The following ERI1 variants were observed in gnomAD, a reference collection of about 807,000 sequenced individuals.
ERI1 encodes 3'-5' exoribonuclease 1.
Under a neutral mutation model 39.7 loss-of-function variants are expected in ERI1, and 39 were observed. That is an observed-to-expected ratio of 0.98 (90% CI 0.76 to 1.28). ERI1 has a LOEUF of 1.28. Ranked by LOEUF, ERI1 falls within the 50% of genes most tolerant of loss-of-function variation. ERI1 has a pLI of 0.00. For missense variants in ERI1, 581 were observed against 416.9 expected (o/e 1.39, Z -3.43); for synonymous variants, 204 against 149.6 (o/e 1.36, Z -2.65).
rs1183512985 is a variant in ERI1, at chr8:9,003,162, C to T, written c.99C>T (p.Pro33=). The change falls in exon 1 of 7, where the codon CCC becomes CCT. Residue 33 remains proline, a synonymous_variant. Coordinates refer to ENST00000250263, the MANE Select transcript of ERI1 (RefSeq NM_153332.4). The part of the protein sequence containing the change: ...RPEGGEEPPR[P]SPEETQQCKF... The stretch of plus-strand genomic sequence containing the variant: ...AGGGCGGGGAGGAGCCGCCGCGTCC[C>T]AGTCCCGAGGTGAGGAGTCGACCCG... 2 of 1,243,502 alleles carry T rather than the reference C, an allele frequency of 1.6e-6. No homozygotes were observed. The highest frequency in any genetic ancestry group is 2.0e-6 in the Non-Finnish European group (2 of 991,528). 77.0% of individuals were successfully genotyped at this position (1,243,502 alleles called of 1,614,324 possible).
At chr8:9,028,111 C>G (rs1216815280) in intron 6 of ERI1, among the ~76,000 whole-genome samples, 2 of 152,072 alleles carry the variant, frequency 1.3e-5, no homozygotes, top group Middle Eastern at 3.2e-3. Context: ...GGAAGTATTT[C>G]TTCTTCAATT....
chr8:9,026,001 C>T (rs1818436280), intron 6 of ERI1, among the ~76,000 whole-genome samples: 1 of 152,236 alleles, frequency 6.6e-6, no homozygotes, highest in Admixed American at 6.5e-5. Context: ...ACTGTCTCAG[C>T]CACTGATATG....
intron 3 of ERI1, among the ~76,000 whole-genome samples, chr8:9,044,559 T>A (rs559300796): frequency 1.3e-5 from 2 of 152,204 alleles, no homozygotes; most frequent in East Asian, 3.9e-4. Context: ...GTGGCCAAAG[T>A]ACACAGAGGA....
At chr8:9,027,136 GGTGTGTGTGTGTATGTGTGTGTGTGTGT>G (rs1797224771) in intron 6 of ERI1, among the ~76,000 whole-genome samples, 1 of 137,502 alleles carries the variant, frequency 7.3e-6, no homozygotes, top group African/African-American at 2.8e-5. Context: ...GTTATTTTCT[GGTGTGTGTGTGTATGTGTGTGTGTGTGT>G]GTGTGTGTGT....
chr8:9,025,451 G>A (rs531008796), intron 6 of ERI1, among the ~76,000 whole-genome samples: 1 of 152,342 alleles, frequency 6.6e-6, no homozygotes, highest in Admixed American at 6.5e-5. Flanking sequence ...AGGAGGCTGC[G>A]TTTTGCAGCG....
intron 3 of ERI1, chr8:9,062,710 G>A (rs1325116379): frequency 1.3e-5 from 2 of 151,480 alleles, no homozygotes; most frequent in Admixed American, 6.6e-5. Flanking sequence ...CAGCCGCTAA[G>A]CTGAGAAGAT....
intron 3 of ERI1, among the ~76,000 whole-genome samples, chr8:9,083,592 A>G (rs769170478): frequency 3.3e-5 from 5 of 151,746 alleles, no homozygotes; most frequent in Non-Finnish European, 5.9e-5. Flanking sequence ...TTGGCAGCAC[A>G]TATACTAAAA....
chr8:9,045,178 G>C (rs1798137438), intron 3 of ERI1, among the ~76,000 whole-genome samples: 1 of 145,164 alleles, frequency 6.9e-6, no homozygotes, highest in Non-Finnish European at 1.5e-5. Context: ...GGAGCTTGCA[G>C]TGAGCAGAGA....
rs1469974531 is a variant in ERI1 at position 9,008,167 on chromosome 8, T to C, written c.287+19T>C. 2.6e-6 allele frequency: 4 copies of C among 1,521,626 alleles called. No homozygotes were observed. Among genetic ancestry groups the C allele is most frequent in the East Asian group, 2.4e-5 (1 of 41,222 alleles). 94.3% of individuals were successfully genotyped at this position (1,521,626 alleles called of 1,614,324 possible). ...AAACTAGGTAATTAAAAATAACTTA[T>C]AAAATTATAAAAGTAGTACATGCTC... On this transcript the variant is annotated intron_variant, in intron 2 of 6. Transcript: ENST00000250263.
downstream of ERI1, among the ~76,000 whole-genome samples, chr8:9,035,807 G>C (rs1484447036): frequency 6.6e-6 from 1 of 152,212 alleles, no homozygotes; most frequent in Non-Finnish European, 1.5e-5. Flanking sequence ...AAAGTCAGTT[G>C]AAAACCTTCT....
intron 3 of ERI1, among the ~76,000 whole-genome samples, chr8:9,044,288 C>G (rs57169303): frequency 6.6e-6 from 1 of 152,166 alleles, no homozygotes; most frequent in Non-Finnish European, 1.5e-5. Context: ...GAGCTCCTTA[C>G]ATTTTCTCTG....
intron 3 of ERI1, among the ~76,000 whole-genome samples, chr8:9,064,123 A>T (rs1453415653): frequency 1.3e-5 from 2 of 151,632 alleles, no homozygotes; most frequent in African/African-American, 4.8e-5. Flanking sequence ...AGGTCGGGGC[A>T]TGGAAATAAG....
At chr8:9,086,566 C>G (rs1389157043) in intron 3 of ERI1, among the ~76,000 whole-genome samples, 3 of 152,106 alleles carry the variant, frequency 2.0e-5, no homozygotes, top group Admixed American at 6.6e-5. Flanking sequence ...AACCGACCAA[C>G]CAATTCATTC....
Position 9,025,480 on chromosome 8 carries a change from C to G in ERI1, c.808-4312C>G, listed in dbSNP as rs116663048. Among the ~76,000 whole-genome samples the G allele has an allele frequency of 6.6e-3, 1,012 of 152,352 alleles. 12 individuals carry two copies. Among genetic ancestry groups the G allele is most frequent in the African/African-American group, 0.023 (952 of 41,584 alleles). ...TGCAGCGCTTCTTCCAACTGCTCAGCAAAATCTGGCCTTTTTGTTTTCCTC... is the reference window on the plus strand; with the variant it reads ...TGCAGCGCTTCTTCCAACTGCTCAGGAAAATCTGGCCTTTTTGTTTTCCTC... On this transcript the variant is annotated intron_variant, in intron 6 of 6. Coordinates refer to ENST00000250263, the MANE Select transcript of ERI1 (RefSeq NM_153332.4).
downstream of ERI1, among the ~76,000 whole-genome samples, chr8:9,036,781 A>T (rs1274606365): frequency 1.3e-5 from 2 of 152,136 alleles, no homozygotes; most frequent in East Asian, 3.8e-4. Flanking sequence ...ATCACTGGTG[A>T]TGGCAGATTG....
At position 9,032,192 on chromosome 8, in the gene ERI1, A is replaced by T. The variant is rs1375657087; in HGVS notation, c.*2158A>T. Reference sequence around the variant, plus strand: ...ACTTTTATTGTGTTGTCTTTGAAAGACAAATAGTACAACTTTTTACAAGGA... The same window carrying T: ...ACTTTTATTGTGTTGTCTTTGAAAGTCAAATAGTACAACTTTTTACAAGGA... On this transcript the variant is annotated 3_prime_UTR_variant, in exon 7 of 7. Coordinates refer to ENST00000250263, the MANE Select transcript of ERI1 (RefSeq NM_153332.4). 6.6e-6 allele frequency: 1 copy of T among 152,228 alleles called. No homozygotes were observed. Among genetic ancestry groups the T allele is most frequent in the Non-Finnish European group, 1.5e-5 (1 of 68,038 alleles). 9.4% of individuals were successfully genotyped at this position (152,228 alleles called of 1,614,324 possible). A position where few individuals can be genotyped will look rare whatever the true frequency, so the allele number is the denominator to read the frequency against.
chr8:9,081,253 G>T (rs984736066), intron 3 of ERI1, among the ~76,000 whole-genome samples: 3 of 152,190 alleles, frequency 2.0e-5, no homozygotes, highest in African/African-American at 7.2e-5. Context: ...AATTTGTGAT[G>T]AGATTTGGGT....
chr8:9,008,363 T>C (rs1392398094), intron 2 of ERI1, among the ~76,000 whole-genome samples: 1 of 152,212 alleles, frequency 6.6e-6, no homozygotes. Flanking sequence ...AGTCAAATAT[T>C]TTAATGACCT....
intron 4 of ERI1, among the ~76,000 whole-genome samples, chr8:9,017,928 C>G (rs551169648): frequency 3.9e-5 from 6 of 152,056 alleles, no homozygotes; most frequent in Non-Finnish European, 8.8e-5. Context: ...AATTGTGAGA[C>G]CTGAGATGGG....
Sources: gnomAD v4.1 joint callset for allele counts (sites outside exome capture counted in the v4.1 genomes callset) on GRCh38, gnomAD v4.1.1 for gene constraint, MANE v1.5 for transcripts, NCBI Gene and HGNC (gene_info 2026-07-23, HGNC 2026-07-21) for gene names.